The following PARVA variants were observed in gnomAD, a reference collection of about 807,000 sequenced individuals.
PARVA encodes the protein alpha-parvin.
Under a neutral mutation model 52.6 loss-of-function variants are expected in PARVA, and 25 were observed. That is an observed-to-expected ratio of 0.48 (90% CI 0.35 to 0.66). The LOEUF (loss-of-function observed/expected upper bound fraction) is 0.66. Ranked by LOEUF, PARVA falls within the 30% of genes least tolerant of loss-of-function variation. The pLI is 0.01. For synonymous variants in PARVA, 185 were observed against 179.1 expected, an observed-to-expected ratio of 1.03 and a Z score of -0.26; for missense variants, 373 against 450.9, an observed-to-expected ratio of 0.83 and a Z score of 1.56.
intron 10 of PARVA, among the ~76,000 whole-genome samples, chr11:12,516,077 G>T (rs1055942884): frequency 6.6e-6 from 1 of 152,190 alleles, no homozygotes; most frequent in Admixed American, 6.5e-5. Flanking sequence ...GAGCTCAAGC[G>T]ATCCGCCTGC....
At chr11:12,395,738 A>C (rs758792990) in intron 1 of PARVA, among the ~76,000 whole-genome samples, 2 of 152,184 alleles carry the variant, frequency 1.3e-5, no homozygotes, top group Non-Finnish European at 2.9e-5. Flanking sequence ...GGACCTCCCA[A>C]TTCTCCACCT....
chr11:12,393,107 C>T (rs936164998), intron 1 of PARVA, among the ~76,000 whole-genome samples: 4 of 145,062 alleles, frequency 2.8e-5, no homozygotes, highest in Non-Finnish European at 4.5e-5. Context: ...AAGATTTACA[C>T]GTAAGTGAAA....
intron 1 of PARVA, among the ~76,000 whole-genome samples, chr11:12,456,458 G>C (rs935907862): frequency 6.6e-6 from 1 of 151,998 alleles, no homozygotes; most frequent in Non-Finnish European, 1.5e-5. Flanking sequence ...TGCTTGAATG[G>C]ATCCATTAGG....
intron 1 of PARVA, among the ~76,000 whole-genome samples, chr11:12,414,060 G>A (rs1464950389): frequency 6.6e-6 from 1 of 152,184 alleles, no homozygotes; most frequent in South Asian, 2.1e-4. Flanking sequence ...GCAGCCGTGC[G>A]TGGCACATCT....
At chr11:12,437,218 CCT>C (rs1940398355) in intron 1 of PARVA, among the ~76,000 whole-genome samples, 1 of 151,914 alleles carries the variant, frequency 6.6e-6, no homozygotes, top group African/African-American at 2.4e-5. Context: ...CTTAAGGAAC[CCT>C]CTCCTAGAAG....
chr11:12,403,465 T>C (rs1939858066), intron 1 of PARVA, among the ~76,000 whole-genome samples: 1 of 152,226 alleles, frequency 6.6e-6, no homozygotes, highest in Non-Finnish European at 1.5e-5. Context: ...TCTGAGCATT[T>C]CCACTGTGTG....
intron 12 of PARVA, among the ~76,000 whole-genome samples, chr11:12,521,846 GTAAC>G (rs1416698191): frequency 6.6e-6 from 1 of 152,164 alleles, no homozygotes; most frequent in Non-Finnish European, 1.5e-5. Flanking sequence ...TAGAACATGA[GTAAC>G]TAACTGCCTT....
intron 1 of PARVA, among the ~76,000 whole-genome samples, chr11:12,421,967 C>T (rs1233605959): frequency 6.6e-6 from 1 of 152,188 alleles, no homozygotes; most frequent in African/African-American, 2.4e-5. Context: ...GGTGGCTAAG[C>T]CAGTTATTGC....
At chr11:12,462,061 G>C (rs952135050) in intron 1 of PARVA, among the ~76,000 whole-genome samples, 11 of 152,148 alleles carry the variant, frequency 7.2e-5, no homozygotes, top group African/African-American at 2.7e-4. Flanking sequence ...GACTGGGTTG[G>C]GGGGTGCAGA....
intron 12 of PARVA, among the ~76,000 whole-genome samples, chr11:12,522,247 A>G (rs1329792328): frequency 2.0e-5 from 3 of 152,122 alleles, no homozygotes; most frequent in African/African-American, 7.2e-5. Context: ...CCATGACAAT[A>G]AAAAAGACTG....
Position 12,432,714 on chromosome 11 carries a change from G to A in PARVA, c.137-41031G>A, listed in dbSNP as rs143394957. Among the ~76,000 whole-genome samples the A allele has an allele frequency of 2.7e-3, 405 of 152,286 alleles. 1 individual carries two copies. The highest frequency in any genetic ancestry group is 9.0e-3 in the African/African-American group (376 of 41,570). On this transcript the variant is annotated intron_variant, in intron 1 of 12. Coordinates refer to ENST00000334956, the MANE Select transcript of PARVA (RefSeq NM_018222.5). ...ATGTGTACGTTATTTAGGCTCTTGCGTCATTTTTTTCTGTATCAAGATTTT... is the reference window on the plus strand; with the variant it reads ...ATGTGTACGTTATTTAGGCTCTTGCATCATTTTTTTCTGTATCAAGATTTT...
chr11:12,485,210 A>T (rs1432710080), intron 4 of PARVA, among the ~76,000 whole-genome samples: 1 of 152,216 alleles, frequency 6.6e-6, no homozygotes, highest in African/African-American at 2.4e-5. Context: ...AAGAGTTTCC[A>T]GGAAGCCTCT....
At chr11:12,458,458 G>T (rs1025746180) in intron 1 of PARVA, among the ~76,000 whole-genome samples, 1 of 152,204 alleles carries the variant, frequency 6.6e-6, no homozygotes, top group African/African-American at 2.4e-5. Flanking sequence ...TTTTTGCATG[G>T]CATTGGCCTA....
chr11:12,524,242 A>G (rs1345334655), intron 12 of PARVA, among the ~76,000 whole-genome samples: 1 of 152,224 alleles, frequency 6.6e-6, no homozygotes, highest in African/African-American at 2.4e-5. Context: ...CCCTTAATAT[A>G]TTCTGGGTGT....
chr11:12,381,621 C>T (rs189523777), intron 1 of PARVA, among the ~76,000 whole-genome samples: 48 of 152,256 alleles, frequency 3.2e-4, no homozygotes, highest in South Asian at 8.3e-4. Flanking sequence ...AATAGCCTAC[C>T]GTTGACCAGA....
chr11:12,391,509 A>G (rs1006281597), intron 1 of PARVA, among the ~76,000 whole-genome samples: 2 of 152,086 alleles, frequency 1.3e-5, no homozygotes, highest in Non-Finnish European at 2.9e-5. Context: ...AAGAAAAACA[A>G]CACCCCTGCT....
At chr11:12,397,983 A>G (rs1403419387) in intron 1 of PARVA, among the ~76,000 whole-genome samples, 2 of 152,124 alleles carry the variant, frequency 1.3e-5, no homozygotes, top group African/African-American at 2.4e-5. Flanking sequence ...CTAGCCCAGC[A>G]CGGGCCTCTC....
At chr11:12,484,673 T>C (rs1941134510) in intron 4 of PARVA, among the ~76,000 whole-genome samples, 1 of 152,060 alleles carries the variant, frequency 6.6e-6, no homozygotes, top group Non-Finnish European at 1.5e-5. Context: ...AGTTCAGGAA[T>C]ATAAAAGTAA....
chr11:12,423,092 G>T (rs1170748728), intron 1 of PARVA, among the ~76,000 whole-genome samples: 1 of 152,026 alleles, frequency 6.6e-6, no homozygotes, highest in Non-Finnish European at 1.5e-5. Flanking sequence ...GACCTCAGGT[G>T]ATCTGTCCAC....
Sources: allele counts gnomAD v4.1 joint callset (sites outside exome capture counted in the v4.1 genomes callset), GRCh38; gene constraint gnomAD v4.1.1; transcripts MANE v1.5; gene names NCBI Gene and HGNC (gene_info 2026-07-23, HGNC 2026-07-21).